The following CUL1 variants were observed in gnomAD, a reference collection of about 807,000 sequenced individuals.
The protein encoded by CUL1 is cullin 1, also known as cullin-1.
In CUL1, 24 loss-of-function variants were observed where a neutral mutation model predicts 118.0. That is an observed-to-expected ratio of 0.20 (90% CI 0.15 to 0.29). CUL1 has a LOEUF of 0.29. Ranked by LOEUF, CUL1 falls within the 10% of genes least tolerant of loss-of-function variation. The pLI, the probability that CUL1 is intolerant of heterozygous loss-of-function variation, is 1.00. For synonymous variants in CUL1, 332 were observed against 340.4 expected, an observed-to-expected ratio of 0.98 and a Z score of 0.27; for missense variants, 361 against 933.8, an observed-to-expected ratio of 0.39 and a Z score of 7.99.
At chr7:148,727,764 T>C (rs1002687390) in intron 1 of CUL1, among the ~76,000 whole-genome samples, 1 of 141,976 alleles carries the variant, frequency 7.0e-6, no homozygotes, top group Non-Finnish European at 1.6e-5. Context: ...GAGACTGAGG[T>C]GGCAAGGGGG....
chr7:148,797,040 C>T (rs1377853228), intron 17 of CUL1, among the ~76,000 whole-genome samples: 1 of 152,104 alleles, frequency 6.6e-6, no homozygotes, highest in Non-Finnish European at 1.5e-5. Flanking sequence ...TTCATGGGAT[C>T]ATAAAGCTGT....
intron 3 of CUL1, among the ~76,000 whole-genome samples, chr7:148,754,383 C>G (rs949669999): frequency 2.0e-5 from 3 of 152,166 alleles, no homozygotes; most frequent in Non-Finnish European, 2.9e-5. Context: ...GTTGCCCAGG[C>G]TGGATTTTTG....
chr7:148,699,735 G>T (rs1419215979), intron 1 of CUL1, among the ~76,000 whole-genome samples: 1 of 152,026 alleles, frequency 6.6e-6, no homozygotes, highest in Non-Finnish European at 1.5e-5. Context: ...CTAGCCCGGC[G>T]GCCGAACCGG....
rs766396692 is a variant in CUL1 at position 148,800,485 on chromosome 7, T to G, written c.2251-17T>G. 6.2e-7 allele frequency: 1 copy of G among 1,606,206 alleles called. No homozygotes were observed. Among genetic ancestry groups the G allele is most frequent in the African/African-American group, 1.3e-5 (1 of 74,716 alleles). On this transcript the variant is annotated splice_polypyrimidine_tract_variant and intron_variant, in intron 21 of 21. Coordinates refer to ENST00000325222, the MANE Select transcript of CUL1 (RefSeq NM_003592.3). This position sits in a 1 kb window ranked among gnomAD's most constrained non-coding sequence, Gnocchi z 4.6. Reference sequence around the variant, plus strand: ...CTTCTCTTTCACTACCTCTTCCTTTTTAAAAATAACACCCAGAAATGCATT... The same window carrying G: ...CTTCTCTTTCACTACCTCTTCCTTTGTAAAAATAACACCCAGAAATGCATT...
intron 1 of CUL1, among the ~76,000 whole-genome samples, chr7:148,729,103 A>C (rs1200787528): frequency 6.6e-6 from 1 of 152,248 alleles, no homozygotes; most frequent in African/African-American, 2.4e-5. Flanking sequence ...TATTGGTTTG[A>C]TACAATATTG....
chr7:148,708,275 G>T (rs1797948639), intron 1 of CUL1, among the ~76,000 whole-genome samples: 1 of 152,104 alleles, frequency 6.6e-6, no homozygotes, highest in Non-Finnish European at 1.5e-5. Flanking sequence ...AACTTGGCTT[G>T]CCCCAAACTG....
intron 1 of CUL1, among the ~76,000 whole-genome samples, chr7:148,713,889 A>C (rs1798128181): frequency 1.3e-5 from 2 of 152,048 alleles, no homozygotes; most frequent in African/African-American, 4.8e-5. Flanking sequence ...ACACCAGGCA[A>C]ATTTTTGTAT....
chr7:148,716,387 A>C (rs1469740954), intron 1 of CUL1, among the ~76,000 whole-genome samples: 1 of 152,230 alleles, frequency 6.6e-6, no homozygotes, highest in Non-Finnish European at 1.5e-5. Context: ...GAAGTTAGAC[A>C]CTTTGCTAAA....
chr7:148,711,144 A>G (rs928735145), intron 1 of CUL1, among the ~76,000 whole-genome samples: 1 of 152,148 alleles, frequency 6.6e-6, no homozygotes, highest in African/African-American at 2.4e-5. Flanking sequence ...GTTTTTCCAA[A>G]TTATTTATTC....
intron 7 of CUL1, among the ~76,000 whole-genome samples, chr7:148,763,020 G>A (rs138962703): frequency 1.7e-4 from 26 of 152,244 alleles, no homozygotes; most frequent in East Asian, 1.4e-3. Context: ...GGTGGCGGAC[G>A]CCTGTTATCC....
At chr7:148,798,088 C>A in intron 19 of CUL1, 69 bp downstream of exon 19, 1 of 912,696 alleles carries the variant, frequency 1.1e-6, no homozygotes. Context: ...TAGCACGGAT[C>A]TCAGTATTGT....
In CUL1 at chr7:148,800,029, G is replaced by T. The variant is rs528412795; in HGVS notation, c.2251-473G>T. 6.6e-6 allele frequency among the ~76,000 whole-genome samples: 1 copy of T among 152,278 alleles called. No individual in the cohort carries two copies. The highest frequency in any genetic ancestry group is 2.4e-5 in the African/African-American group (1 of 41,562). ...TCACAGCCAGTGGAGAGACTCAGGG[G>T]TGGCATTGACAGGTGACTTCCCCAA... is the stretch of plus-strand genomic sequence containing the variant. On this transcript the variant is annotated intron_variant, in intron 21 of 21. Transcript: ENST00000325222. The surrounding 1 kb of genome is among the most constrained non-coding windows in gnomAD (Gnocchi z 4.6).
intron 2 of CUL1, among the ~76,000 whole-genome samples, chr7:148,753,751 C>T: frequency 6.6e-6 from 1 of 152,158 alleles, no homozygotes; most frequent in African/African-American, 2.4e-5. Flanking sequence ...CCCTTCTCCA[C>T]CTTGGCGGTG....
intron 9 of CUL1, chr7:148,783,280 C>CCGGCAT: frequency 1.0e-6 from 1 of 969,928 alleles, no homozygotes; most frequent in Middle Eastern, 5.3e-4. Context: ...GCCCTGGCCC[C>CCGGCAT]CGGCATCGCC....
At chr7:148,751,264 G>A (rs1316102618) in intron 2 of CUL1, among the ~76,000 whole-genome samples, 1 of 151,992 alleles carries the variant, frequency 6.6e-6, no homozygotes, top group East Asian at 1.9e-4. Context: ...TTGTTTAAAA[G>A]GGCCTGGCAA....
In CUL1 at chr7:148,788,647, C is replaced by T; in HGVS notation, c.1570C>T (p.His524Tyr). ...AGATCTGAACGAGCAATTCAAAAAG[C>T]ACTTGACAAACTCAGAACCCCTAGA... is the stretch of plus-strand genomic sequence containing the variant. ...SKDLNEQFKK[H>Y]LTNSEPLDLD... The change falls in exon 14 of 22, where the codon CAC becomes TAC. Residue 524 changes from histidine (H) to tyrosine (Y), a missense_variant. His to Tyr is a moderately conservative substitution (Grantham distance 83). Coordinates refer to ENST00000325222, the MANE Select transcript of CUL1 (RefSeq NM_003592.3). 1 of 1,613,604 alleles carries T rather than the reference C, an allele frequency of 6.2e-7. No individual in the cohort carries two copies. Among genetic ancestry groups the T allele is most frequent in the Non-Finnish European group, 8.5e-7 (1 of 1,179,540 alleles).
intron 2 of CUL1, among the ~76,000 whole-genome samples, chr7:148,751,457 C>T (rs1414297437): frequency 6.6e-6 from 1 of 150,794 alleles, no homozygotes; most frequent in African/African-American, 2.5e-5. Flanking sequence ...ATCGCTTGAT[C>T]CCGGGAGGCA....
chr7:148,792,334 AAT>A lies in CUL1; in HGVS notation c.1807-389_1807-388del, dbSNP rs371606966. Among the ~76,000 whole-genome samples, 306 of 152,364 alleles carry A rather than the reference AAT, an allele frequency of 2.0e-3. 2 individuals are homozygous for A. Among genetic ancestry groups the A allele is most frequent in the African/African-American group, 6.9e-3 (289 of 41,584 alleles). The stretch of plus-strand genomic sequence containing the variant: ...TTACATCAATAATGTGCCAAAAGAT[AAT>A]ATTCCTTAGCTCATGTGCCAAAAAC... On this transcript the variant is annotated intron_variant, in intron 16 of 21. Coordinates refer to ENST00000325222, the MANE Select transcript of CUL1 (RefSeq NM_003592.3).
In CUL1 at chr7:148,765,012, A is replaced by G. The variant is rs937519310; in HGVS notation, c.790-1549A>G. Reference sequence around the variant, plus strand: ...ATGTATTAACTTCAAGCTTTTTTCTATTTCTTCATTTATGAGTTGTCTTTT... The same window carrying G: ...ATGTATTAACTTCAAGCTTTTTTCTGTTTCTTCATTTATGAGTTGTCTTTT... On this transcript the variant is annotated intron_variant, in intron 7 of 21. Transcript: ENST00000325222. 1.5e-4 allele frequency among the ~76,000 whole-genome samples: 23 copies of G among 151,998 alleles called. No individual in the cohort carries two copies. In the East Asian group the frequency reaches 2.9e-3, roughly 19 times the overall value.
Sources: gnomAD v4.1 joint callset for allele counts (sites outside exome capture counted in the v4.1 genomes callset) on GRCh38, gnomAD v4.1.1 for gene constraint, Gnocchi (gnomAD v3.1) non-coding constraint, MANE v1.5 for transcripts, NCBI Gene and HGNC (gene_info 2026-07-23, HGNC 2026-07-21) for gene names.